The following NT5DC1 variants were observed in gnomAD, a reference collection of about 807,000 sequenced individuals.
The protein encoded by NT5DC1 is 5'-nucleotidase domain-containing protein 1.
In NT5DC1, 42 loss-of-function variants were observed where a neutral mutation model predicts 59.4. That is an observed-to-expected ratio of 0.71 (90% CI 0.55 to 0.92). The LOEUF is 0.92. Ranked by LOEUF, NT5DC1 falls within the 40% of genes least tolerant of loss-of-function variation. NT5DC1 has a pLI of 0.00. For synonymous variants in NT5DC1, 172 were observed against 188.1 expected, an observed-to-expected ratio of 0.91 and a Z score of 0.70; for missense variants, 501 against 537.1, an observed-to-expected ratio of 0.93 and a Z score of 0.66.
At chr6:116,197,753 A>G (rs976005571) in intron 6 of NT5DC1, among the ~76,000 whole-genome samples, 9 of 152,118 alleles carry the variant, frequency 5.9e-5, no homozygotes, top group African/African-American at 2.2e-4. Flanking sequence ...AGATTCAGTG[A>G]GATAATGTAT....
chr6:116,190,982 CTTTAT>C (rs964686183), intron 6 of NT5DC1, among the ~76,000 whole-genome samples: 4 of 151,970 alleles, frequency 2.6e-5, no homozygotes, highest in African/African-American at 9.7e-5. Flanking sequence ...AACTCCAGCT[CTTTAT>C]TTTAAGTGAG....
chr6:116,101,003 A>G lies in NT5DC1; in HGVS notation c.73A>G (p.Asn25Asp), dbSNP rs1382241531. 2 of 1,600,380 alleles carry G rather than the reference A, an allele frequency of 1.2e-6. No individual in the cohort carries two copies. Among genetic ancestry groups the G allele is most frequent in the African/African-American group, 2.8e-5 (2 of 72,536 alleles). The change falls in exon 1 of 12, where the codon AAC (asparagine) becomes GAC (aspartate). Residue 25 changes from asparagine to aspartate, a missense_variant. Asn to Asp is a conservative substitution (Grantham distance 23, BLOSUM62 1). Coordinates refer to ENST00000319550, the MANE Select transcript of NT5DC1 (RefSeq NM_152729.3). ...FDLDHTLCRYNLPESAPLIYN... is the reference protein window; with the variant it reads ...FDLDHTLCRYDLPESAPLIYN... Reference sequence around the variant, plus strand: ...CCTGGACCACACTCTGTGTCGCTACAACCTGCCCGAGAGCGCCCCGGTGAG... The same window carrying G: ...CCTGGACCACACTCTGTGTCGCTACGACCTGCCCGAGAGCGCCCCGGTGAG...
chr6:116,219,624 T>C (rs971976683), intron 6 of NT5DC1, among the ~76,000 whole-genome samples: 8 of 151,996 alleles, frequency 5.3e-5, no homozygotes, highest in African/African-American at 1.9e-4. Context: ...TTTGCTACCG[T>C]TTTTTGTTTT....
intron 6 of NT5DC1, among the ~76,000 whole-genome samples, chr6:116,135,834 G>GAT (rs199827970): frequency 0.077 from 7,798 of 101,278 alleles, 271 homozygotes; most frequent in East Asian, 0.12. Context: ...TATATTTTCA[G>GAT]ATATATATAT....
intron 8 of NT5DC1, among the ~76,000 whole-genome samples, chr6:116,231,106 CAAAA>C (rs34948626): frequency 2.9e-5 from 2 of 69,972 alleles, no homozygotes; most frequent in Admixed American, 2.3e-4. Context: ...AACTCCGTCT[CAAAA>C]AAAAAAAAAA....
Position 116,153,284 on chromosome 6 carries a change from A to T in NT5DC1, c.529+35339A>T, listed in dbSNP as rs554117098. 5.9e-5 allele frequency among the ~76,000 whole-genome samples: 9 copies of T among 152,218 alleles called. No homozygotes were observed. In the South Asian group the frequency reaches 1.9e-3, roughly 32 times the overall value. ...TGTTATATAAGACACATAAAAGATCAGAGTATTTTCACATCATGTTCTTAC... is the reference window on the plus strand; with the variant it reads ...TGTTATATAAGACACATAAAAGATCTGAGTATTTTCACATCATGTTCTTAC... On this transcript the variant is annotated intron_variant, in intron 6 of 11. Transcript: ENST00000319550.
intron 6 of NT5DC1, among the ~76,000 whole-genome samples, chr6:116,205,725 G>C (rs1026825923): frequency 4.6e-5 from 7 of 151,926 alleles, no homozygotes; most frequent in Non-Finnish European, 8.8e-5. Flanking sequence ...TTCACTAATT[G>C]TATTTACATC....
intron 6 of NT5DC1, among the ~76,000 whole-genome samples, chr6:116,173,494 G>A (rs1349807120): frequency 2.6e-5 from 4 of 152,034 alleles, no homozygotes; most frequent in Non-Finnish European, 5.9e-5. Flanking sequence ...CTTTAGAGCA[G>A]AGAGCTTCAT....
chr6:116,123,616 TC>T (rs1779203238), intron 6 of NT5DC1, among the ~76,000 whole-genome samples: 1 of 152,238 alleles, frequency 6.6e-6, no homozygotes, highest in South Asian at 2.1e-4. Context: ...ATGTAATAAC[TC>T]TTTGAATTCC....
intron 6 of NT5DC1, among the ~76,000 whole-genome samples, chr6:116,147,866 C>A (rs1392072537): frequency 6.6e-6 from 1 of 151,822 alleles, no homozygotes; most frequent in East Asian, 1.9e-4. Context: ...GCTACATTAG[C>A]AGTCATTAAA....
intron 4 of NT5DC1, 32 bp downstream of exon 4, chr6:116,110,988 G>A (rs765928443): frequency 3.1e-5 from 43 of 1,394,182 alleles, no homozygotes; most frequent in African/African-American, 8.5e-5. Flanking sequence ...TCCACCATCC[G>A]CTCCCTGTTT....
chr6:116,167,882 T>G (rs886142622), intron 6 of NT5DC1, among the ~76,000 whole-genome samples: 1 of 152,182 alleles, frequency 6.6e-6, no homozygotes, highest in African/African-American at 2.4e-5. Context: ...ATTTTTTTAT[T>G]TCACTTTCAT....
At chr6:116,106,410 A>T in intron 2 of NT5DC1, 75 bp downstream of exon 2, 1 of 709,402 alleles carries the variant, frequency 1.4e-6, no homozygotes, top group Non-Finnish European at 2.5e-6. Context: ...TAAAACTGTA[A>T]TGCTTTCTCT....
chr6:116,197,398 T>TA lies in NT5DC1; in HGVS notation c.530-23652dup, dbSNP rs571805843. 9.5e-4 allele frequency among the ~76,000 whole-genome samples: 145 copies of TA among 152,108 alleles called. 2 individuals are homozygous for TA. The highest frequency in any genetic ancestry group is 3.3e-3 in the African/African-American group (139 of 41,534). ...TCTCTGATTATCATCTTGTCTGATT[T>TA]AAAATGCTAAGCAGAATTGAATCAT... On this transcript the variant is annotated intron_variant, in intron 6 of 11. Coordinates refer to ENST00000319550, the MANE Select transcript of NT5DC1 (RefSeq NM_152729.3).
intron 6 of NT5DC1, among the ~76,000 whole-genome samples, chr6:116,184,615 G>A (rs1404814133): frequency 1.3e-5 from 2 of 151,906 alleles, no homozygotes; most frequent in Non-Finnish European, 2.9e-5. Flanking sequence ...TAAACTAGGA[G>A]GGTTGTATAT....
At chr6:116,140,393 C>T (rs9488848) in intron 6 of NT5DC1, among the ~76,000 whole-genome samples, 5,304 of 152,076 alleles carry the variant, frequency 0.035, 311 homozygotes, top group African/African-American at 0.12. Context: ...TTCCTGGTTT[C>T]CACAATTTTC....
intron 2 of NT5DC1, among the ~76,000 whole-genome samples, chr6:116,106,662 A>G (rs557841948): frequency 6.6e-6 from 1 of 152,360 alleles, no homozygotes; most frequent in East Asian, 1.9e-4. Context: ...CATCTTTAAG[A>G]AAAAGGTTTG....
chr6:116,105,829 C>A (rs1285591586), intron 1 of NT5DC1, among the ~76,000 whole-genome samples: 3 of 151,934 alleles, frequency 2.0e-5, no homozygotes, highest in Non-Finnish European at 4.4e-5. Context: ...CTTCCTGGTC[C>A]CCATATGTAT....
chr6:116,105,247 C>T (rs984520929), intron 1 of NT5DC1, among the ~76,000 whole-genome samples: 1 of 152,156 alleles, frequency 6.6e-6, no homozygotes, highest in African/African-American at 2.4e-5. Flanking sequence ...GAGTTGCCCC[C>T]CATTCCCTCT....
Sources: gnomAD v4.1 joint callset for allele counts (sites outside exome capture counted in the v4.1 genomes callset) on GRCh38, gnomAD v4.1.1 for gene constraint, MANE v1.5 for transcripts, NCBI Gene and HGNC (gene_info 2026-07-23, HGNC 2026-07-21) for gene names.